The following SSBP2 variants were observed in gnomAD, a reference collection of about 807,000 sequenced individuals.
The protein encoded by SSBP2 is single stranded DNA binding protein 2.
A neutral mutation model predicts 61.8 loss-of-function variants in SSBP2; 17 were observed. The observed-to-expected ratio is 0.28, with a 90% CI of 0.19 to 0.41. The LOEUF is 0.41. SSBP2 is among the 10% of genes least tolerant of loss of function. SSBP2 has a pLI of 1.00. For synonymous variants in SSBP2, 139 were observed against 141.3 expected (o/e 0.98, Z 0.12); for missense variants, 310 against 458.7 (o/e 0.68, Z 2.96).
chr5:81,550,615 A>C (rs778323023), intron 4 of SSBP2, among the ~76,000 whole-genome samples: 1 of 152,246 alleles, frequency 6.6e-6, no homozygotes, highest in Non-Finnish European at 1.5e-5. Context: ...TTAACTGAGC[A>C]GAATGGGACA....
intron 1 of SSBP2, among the ~76,000 whole-genome samples, chr5:81,678,808 T>C (rs991983850): frequency 2.0e-5 from 3 of 152,152 alleles, no homozygotes; most frequent in African/African-American, 7.2e-5. Flanking sequence ...CCTAGAATTC[T>C]ATATCCTGTG....
At chr5:81,481,619 TAAA>T (rs34578727) in intron 6 of SSBP2, among the ~76,000 whole-genome samples, 1 of 121,036 alleles carries the variant, frequency 8.3e-6, no homozygotes. Flanking sequence ...AAACTACATC[TAAA>T]AAAAAAAAAA....
intron 4 of SSBP2, among the ~76,000 whole-genome samples, 159 bp from the exon 5 acceptor site, chr5:81,513,876 T>A (rs1033858334): frequency 6.6e-6 from 1 of 152,204 alleles, no homozygotes; most frequent in Admixed American, 6.5e-5. Flanking sequence ...TACAACAGTT[T>A]AGTATATGAC....
rs200485656 is a variant in SSBP2 at position 81,632,082 on chromosome 5, CAA to C, written c.197+4473_197+4474del. The stretch of plus-strand genomic sequence containing the variant: ...CATCTGTAATCCAACCATATTAAAA[CAA>C]ATTATTTTTTTTCTCTTAATACCCA... On this transcript the variant is annotated intron_variant, in intron 3 of 16. Coordinates refer to ENST00000320672, the MANE Select transcript of SSBP2 (RefSeq NM_012446.5). Among the ~76,000 whole-genome samples, 772 of 152,238 alleles carry C rather than the reference CAA, an allele frequency of 5.1e-3. 4 individuals carry two copies. Among genetic ancestry groups the C allele is most frequent in the African/African-American group, 0.018 (731 of 41,540 alleles).
At chr5:81,723,553 C>A (rs370530709) in intron 1 of SSBP2, among the ~76,000 whole-genome samples, 1 of 151,966 alleles carries the variant, frequency 6.6e-6, no homozygotes, top group Non-Finnish European at 1.5e-5. Flanking sequence ...TAAATTGATG[C>A]GCATTAACCC....
intron 4 of SSBP2, among the ~76,000 whole-genome samples, chr5:81,523,739 A>C (rs1356342663): frequency 6.6e-6 from 1 of 152,062 alleles, no homozygotes; most frequent in Non-Finnish European, 1.5e-5. Context: ...CCACATGGTC[A>C]AACTCTAGGT....
At chr5:81,740,853 T>C (rs913203348) in intron 1 of SSBP2, among the ~76,000 whole-genome samples, 2 of 152,204 alleles carry the variant, frequency 1.3e-5, no homozygotes, top group Non-Finnish European at 2.9e-5. Context: ...GGGGCACTTT[T>C]GGTACCTATA....
rs191448968 is a variant in SSBP2, at chr5:81,739,672, G to A, written c.62+11309C>T. On this transcript the variant is annotated intron_variant, in intron 1 of 16. Coordinates refer to ENST00000320672, the MANE Select transcript of SSBP2 (RefSeq NM_012446.5). ...TTTTTTTAATGAATAACGGAGTGGG[G>A]AGATAGAATAAATATGATTCCCATC... 3.5e-3 allele frequency among the ~76,000 whole-genome samples: 540 copies of A among 152,238 alleles called. 2 individuals carry two copies. The highest frequency in any genetic ancestry group is 0.012 in the African/African-American group (491 of 41,526).
intron 4 of SSBP2, among the ~76,000 whole-genome samples, chr5:81,564,298 G>GGGAA (rs1773269910): frequency 6.6e-6 from 1 of 152,166 alleles, no homozygotes; most frequent in South Asian, 2.1e-4. Context: ...GAGAAAGGGA[G>GGGAA]GGAAGGAAGG....
chr5:81,434,768 A>C (rs758907381), intron 15 of SSBP2, among the ~76,000 whole-genome samples: 3 of 152,202 alleles, frequency 2.0e-5, no homozygotes, highest in African/African-American at 7.2e-5. Context: ...CCAGGAAAAC[A>C]AAAGGAAGAA....
At chr5:81,537,327 G>A (rs1204384099) in intron 4 of SSBP2, among the ~76,000 whole-genome samples, 1 of 152,064 alleles carries the variant, frequency 6.6e-6, no homozygotes, top group Non-Finnish European at 1.5e-5. Flanking sequence ...ATGCTGATGA[G>A]ACCTGAGACA....
At chr5:81,641,870 G>C (rs1209489758) in intron 2 of SSBP2, among the ~76,000 whole-genome samples, 1 of 151,966 alleles carries the variant, frequency 6.6e-6, no homozygotes, top group Non-Finnish European at 1.5e-5. Context: ...GGTTTTTCAA[G>C]ATGGAAATTT....
intron 5 of SSBP2, among the ~76,000 whole-genome samples, chr5:81,512,972 G>A (rs1337928929): frequency 6.6e-6 from 1 of 151,910 alleles, no homozygotes; most frequent in African/African-American, 2.4e-5. Flanking sequence ...ATTTATGTTG[G>A]TTTGAGTTAG....
chr5:81,703,409 T>C (rs868845878), intron 1 of SSBP2, among the ~76,000 whole-genome samples: 2 of 152,078 alleles, frequency 1.3e-5, no homozygotes, highest in East Asian at 3.9e-4. Flanking sequence ...AAATCGGGCA[T>C]TGGAATAGTG....
chr5:81,651,704 T>C (rs1749743656), intron 1 of SSBP2, among the ~76,000 whole-genome samples: 1 of 152,160 alleles, frequency 6.6e-6, no homozygotes, highest in Non-Finnish European at 1.5e-5. Context: ...GAAGTGTGGC[T>C]TATCACCCAA....
intron 1 of SSBP2, among the ~76,000 whole-genome samples, chr5:81,727,688 G>A (rs963106562): frequency 1.3e-5 from 2 of 152,168 alleles, no homozygotes; most frequent in African/African-American, 4.8e-5. Context: ...AATATAAATT[G>A]AGCATCTCTT....
chr5:81,660,782 G>C (rs1053398443), intron 1 of SSBP2, among the ~76,000 whole-genome samples: 4 of 152,050 alleles, frequency 2.6e-5, no homozygotes, highest in African/African-American at 9.7e-5. Context: ...GATAGACTGG[G>C]TCAAGAAAAT....
At chr5:81,622,638 G>T (rs986700373) in intron 3 of SSBP2, among the ~76,000 whole-genome samples, 1 of 152,188 alleles carries the variant, frequency 6.6e-6, no homozygotes, top group African/African-American at 2.4e-5. Context: ...TAATTAGTTT[G>T]CATGAAAGCT....
At chr5:81,564,094 A>G (rs568602031) in intron 4 of SSBP2, among the ~76,000 whole-genome samples, 2 of 152,222 alleles carry the variant, frequency 1.3e-5, no homozygotes, top group Non-Finnish European at 2.9e-5. Flanking sequence ...AAGAAACTGA[A>G]TAGACATTTC....
Sources: allele counts gnomAD v4.1 joint callset (sites outside exome capture counted in the v4.1 genomes callset), GRCh38; gene constraint gnomAD v4.1.1; transcripts MANE v1.5; gene names NCBI Gene and HGNC (gene_info 2026-07-23, HGNC 2026-07-21).